Variants in UGGT1 observed in about 807,000 individuals in gnomAD.
The protein encoded by UGGT1 is UDP-glucose glycoprotein glucosyltransferase 1.
Under a neutral mutation model 203.9 loss-of-function variants are expected in UGGT1, and 107 were observed. That is an observed-to-expected ratio of 0.52 (90% confidence interval 0.45 to 0.62). UGGT1 has a LOEUF of 0.62. Ranked by LOEUF, UGGT1 falls within the 20% of genes least tolerant of loss-of-function variation. The pLI is 0.00. For synonymous variants in UGGT1, 628 were observed against 653.5 expected (o/e 0.96, Z 0.59); for missense variants, 1,673 against 1,867.2 (o/e 0.90, Z 1.92).
intron 2 of UGGT1, chr2:128,103,181 A>G (rs1687458417): frequency 4.3e-6 from 2 of 461,620 alleles, no homozygotes; most frequent in South Asian, 3.2e-5. Context: ...TTGCTTTAAG[A>G]CAGTGAAAGA....
chr2:128,139,393 ACTCTG>A (rs910452405), intron 16 of UGGT1, among the ~76,000 whole-genome samples: 1 of 151,364 alleles, frequency 6.6e-6, no homozygotes, highest in African/African-American at 2.4e-5. Flanking sequence ...GAATATTTTA[ACTCTG>A]CTTTTTAAAG....
chr2:128,129,026 C>A lies in UGGT1; in HGVS notation c.1227-3C>A, dbSNP rs748641641. 1 of 1,563,450 alleles carries A rather than the reference C, an allele frequency of 6.4e-7. No individual in the cohort carries two copies. Among genetic ancestry groups the A allele is most frequent in the South Asian group, 1.2e-5 (1 of 82,592 alleles). On this transcript the variant is annotated splice_region_variant and splice_polypyrimidine_tract_variant and intron_variant, in intron 12 of 40. Transcript: ENST00000259253. ...AAATATCTCTTTTTGTTTTTCCCCCCAGTCTGTTTGATGTGTTGAGGAATG... is the reference window on the plus strand; with the variant it reads ...AAATATCTCTTTTTGTTTTTCCCCCAAGTCTGTTTGATGTGTTGAGGAATG...
At chr2:128,127,489 G>A (rs147067655) in intron 12 of UGGT1, 37 bp downstream of exon 12, 3 of 1,418,688 alleles carry the variant, frequency 2.1e-6, no homozygotes, top group Middle Eastern at 1.8e-4. Context: ...AAAAGTTTTT[G>A]TAATGCGTAG....
chr2:128,162,714 G>A (rs931324287), intron 25 of UGGT1, among the ~76,000 whole-genome samples: 2 of 152,106 alleles, frequency 1.3e-5, no homozygotes, highest in African/African-American at 2.4e-5. Context: ...CTCGTGACTC[G>A]AAGCAGCCAT....
At chr2:128,176,724 G>A (rs1410506817) in intron 31 of UGGT1, 90 bp from the exon 32 acceptor site, 1 of 1,233,976 alleles carries the variant, frequency 8.1e-7, no homozygotes, top group Non-Finnish European at 1.2e-6. Flanking sequence ...ACTCCTTTAT[G>A]AGAAGGATGA....
At chr2:128,129,545 C>G (rs1030509298) in intron 13 of UGGT1, among the ~76,000 whole-genome samples, 2 of 151,890 alleles carry the variant, frequency 1.3e-5, no homozygotes, top group Non-Finnish European at 2.9e-5. Flanking sequence ...ATTACAGGAG[C>G]CTGCCACCAC....
rs191584877 is a variant in UGGT1, at chr2:128,161,282, T to A, written c.2825+14T>A. The A allele has an allele frequency of 1.4e-4, 230 of 1,612,124 alleles. No individual in the cohort carries two copies. In the South Asian group the frequency reaches 1.4e-3, roughly 10 times the overall value. ...AGAAGAAGATGTGTAAGTTTTGCCA[T>A]AGGAGGAATTACAGGGGTTATATAA... On this transcript the variant is annotated intron_variant, in intron 25 of 40. Transcript: ENST00000259253.
intron 22 of UGGT1, among the ~76,000 whole-genome samples, chr2:128,157,579 T>C (rs1236076269): frequency 2.6e-5 from 4 of 152,134 alleles, no homozygotes; most frequent in Non-Finnish European, 5.9e-5. Flanking sequence ...AAAAAATAAA[T>C]AGCGAGATCC....
In UGGT1 at chr2:128,112,454, T is replaced by TTATATATATATATATATATATATATA. The variant is rs59726004; in HGVS notation, c.522-611_522-610insATATATATATATATATATATATATAT. Among the ~76,000 whole-genome samples, 389 of 55,486 alleles carry TTATATATATATATATATATATATATA rather than the reference T, an allele frequency of 7.0e-3. 33 individuals carry two copies. Among genetic ancestry groups the TTATATATATATATATATATATATATA allele is most frequent in the South Asian group, 7.5e-3 (10 of 1,342 alleles). 36.4% of individuals were successfully genotyped at this position (55,486 alleles called of 152,430 possible). On this transcript the variant is annotated intron_variant, in intron 5 of 40. Coordinates refer to ENST00000259253, the MANE Select transcript of UGGT1 (RefSeq NM_020120.4). Reference sequence around the variant, plus strand: ...AAAAAACCCCCCAAAAAATACTATGTTATATATATATATATATATTACATA... The same window carrying TTATATATATATATATATATATATATA: ...AAAAAACCCCCCAAAAAATACTATGTTATATATATATATATATATATATATATATATATATATATATATATTACATA...
chr2:128,156,086 A>G lies in UGGT1; in HGVS notation c.2237-306A>G, dbSNP rs376281635. Among the ~76,000 whole-genome samples, 19 of 152,326 alleles carry G rather than the reference A, an allele frequency of 1.2e-4. No individual in the cohort carries two copies. The East Asian group carries it at 3.7e-3, about 29-fold the overall frequency. ...TCTGTCGCCCTCGGGTCAGTGCTTC[A>G]GAAAAGCACTGGCTGTTATTTTAAG... On this transcript the variant is annotated intron_variant, in intron 20 of 40. Transcript: ENST00000259253.
At position 128,164,769 on chromosome 2, in the gene UGGT1, AGC is replaced by A. The variant is rs764069820; in HGVS notation, c.2868_2869del (p.Gln957ThrfsTer13). 1 of 1,613,564 alleles carries A rather than the reference AGC, an allele frequency of 6.2e-7. No individual in the cohort carries two copies. Among genetic ancestry groups the A allele is most frequent in the Non-Finnish European group, 8.5e-7 (1 of 1,179,768 alleles). On this transcript the variant is annotated frameshift_variant, in exon 26 of 41. Coordinates refer to ENST00000259253, the MANE Select transcript of UGGT1 (RefSeq NM_020120.4). LOFTEE classifies it high-confidence loss of function. Reference sequence around the variant, plus strand: ...TAATGAAGGTGGATGCTCTTCTGTCAGCGCAACCAAAAGGAGATCCAAGAATC... The same window carrying A: ...TAATGAAGGTGGATGCTCTTCTGTCAGCAACCAAAAGGAGATCCAAGAATC... ...LVMKVDALLS[A>X]QPKGDPRIEY... is the part of the protein sequence containing the mutation.
At chr2:128,172,879 C>A in intron 29 of UGGT1, 117 bp downstream of exon 29, 2 of 942,276 alleles carry the variant, frequency 2.1e-6, no homozygotes, top group Non-Finnish European at 3.1e-6. Flanking sequence ...TTTTAAACAA[C>A]AGCTTTATTC....
intron 17 of UGGT1, among the ~76,000 whole-genome samples, chr2:128,144,098 C>A (rs555719902): frequency 6.4e-4 from 98 of 152,194 alleles, no homozygotes; most frequent in African/African-American, 2.2e-3. Flanking sequence ...TCTTTCAAAG[C>A]CAGTAAGATA....
In UGGT1 at chr2:128,164,739, C is replaced by G; in HGVS notation, c.2835C>G (p.Asp945Glu). 1 of 1,613,928 alleles carries G rather than the reference C, an allele frequency of 6.2e-7. No individual in the cohort carries two copies. The highest frequency in any genetic ancestry group is 8.5e-7 in the Non-Finnish European group (1 of 1,179,926). The change falls in exon 26 of 41, where the codon GAC (aspartate) becomes GAG (glutamate). Residue 945 changes from aspartate to glutamate, a missense_variant. This residue lies in a region of UGGT1 where 1,073 missense variants were observed against 1,078.7 expected (regional missense o/e 0.99). Coordinates refer to ENST00000259253, the MANE Select transcript of UGGT1 (RefSeq NM_020120.4). The part of the protein sequence containing the change: ...QLRVEEDVAS[D>E]LVMKVDALLS... Reference sequence around the variant, plus strand: ...TAACCCCTTCTTTCAGGGCAAGCGACTTGGTAATGAAGGTGGATGCTCTTC... The same window carrying G: ...TAACCCCTTCTTTCAGGGCAAGCGAGTTGGTAATGAAGGTGGATGCTCTTC...
intron 26 of UGGT1, 148 bp from the exon 27 acceptor site, chr2:128,170,140 G>T: frequency 4.8e-6 from 3 of 628,738 alleles, no homozygotes; most frequent in Non-Finnish European, 8.3e-6. Context: ...GGGATAGACA[G>T]AATCATATAG....
At chr2:128,092,190 T>C (rs776381692) in intron 1 of UGGT1, among the ~76,000 whole-genome samples, 11 of 151,946 alleles carry the variant, frequency 7.2e-5, no homozygotes, top group Admixed American at 1.3e-4. Context: ...TAAATAGCTA[T>C]TTAACAGCAC....
intron 38 of UGGT1, among the ~76,000 whole-genome samples, chr2:128,185,900 C>G (rs1691953020): frequency 6.6e-6 from 1 of 151,978 alleles, no homozygotes; most frequent in Admixed American, 6.5e-5. Flanking sequence ...GTGGCAAAGT[C>G]AGAAGGACTC....
At chr2:128,127,237 T>G in intron 11 of UGGT1, 124 bp from the exon 12 acceptor site, 1 of 663,596 alleles carries the variant, frequency 1.5e-6, no homozygotes, top group South Asian at 2.0e-5. Context: ...CAACAGCATC[T>G]TGAAGCAAAT....
chr2:128,091,377 C>A lies in UGGT1; in HGVS notation c.20C>A (p.Ala7Glu). 1 of 1,573,954 alleles carries A rather than the reference C, an allele frequency of 6.4e-7. No individual in the cohort carries two copies. The highest frequency in any genetic ancestry group is 8.6e-7 in the Non-Finnish European group (1 of 1,159,906). The change falls in exon 1 of 41, where the codon GCG becomes GAG. Residue 7 changes from alanine to glutamate, a missense_variant. Coordinates refer to ENST00000259253, the MANE Select transcript of UGGT1 (RefSeq NM_020120.4). MGCKGD[A>E]SGACAAGALP... ...CCGGGCATGGGCTGCAAGGGAGACG[C>A]GAGCGGTGCGTGTGCCGCGGGTGCG... is the stretch of plus-strand genomic sequence containing the variant.
Sources: allele counts gnomAD v4.1 joint callset (sites outside exome capture counted in the v4.1 genomes callset), GRCh38; gene constraint gnomAD v4.1.1; regional missense constraint gnomAD v4.1.1; transcripts MANE v1.5; gene names NCBI Gene and HGNC (gene_info 2026-07-23, HGNC 2026-07-21).